Variants in DEFB119 observed in about 807,000 individuals in gnomAD.
DEFB119 encodes the protein beta-defensin 119.
Under a neutral mutation model 2.5 loss-of-function variants are expected in DEFB119, and 3 were observed. The ratio of observed to expected loss-of-function variants is 1.19; its 90% CI spans 0.54 to 3.07. The LOEUF (loss-of-function observed/expected upper bound fraction) is 3.07. Among genes scored for constraint, DEFB119 ranks in the 30% most tolerant of loss-of-function variants. DEFB119 has a pLI of 0.03. For synonymous variants in DEFB119, 29 were observed against 33.7 expected (o/e 0.86, Z 0.48); for missense variants, 113 against 101.1 (o/e 1.12, Z -0.50).
intron 1 of DEFB119, among the ~76,000 whole-genome samples, chr20:31,387,823 G>T (rs1428373663): frequency 1.3e-5 from 2 of 152,164 alleles, no homozygotes; most frequent in African/African-American, 4.8e-5. Flanking sequence ...GCAGGCAGAG[G>T]CTCCTCGTGG....
chr20:31,389,314 G>A (rs1747637058), intron 1 of DEFB119: 2 of 1,582,706 alleles, frequency 1.3e-6, no homozygotes, highest in Admixed American at 1.7e-5. Context: ...GGAACAGGAG[G>A]ACAGGGAAGA....
chr20:31,388,119 A>T, intron 1 of DEFB119: 2 of 985,364 alleles, frequency 2.0e-6, no homozygotes, highest in Non-Finnish European at 2.4e-6. Context: ...GTCTGGGAAG[A>T]CACCCAGATT....
Position 31,377,318 on chromosome 20 carries a change from C to T in DEFB119, c.183G>A (p.Met61Ile), listed in dbSNP as rs139822193. 5 of 1,614,000 alleles carry T rather than the reference C, an allele frequency of 3.1e-6. No homozygotes were observed. The African/African-American group carries it at 6.7e-5, about 22-fold the overall frequency. The change falls in exon 2 of 2, where the codon ATG (methionine) becomes ATA (isoleucine). Residue 61 changes from methionine to isoleucine, a missense_variant. Coordinates refer to ENST00000376321, the MANE Select transcript of DEFB119 (RefSeq NM_153289.4). Reference sequence around the variant, plus strand: ...CCTCTTTGCCAGAAATGCTTATCCTCATGTAGGACTGGAGGCAGCAGGACT... The same window carrying T: ...CCTCTTTGCCAGAAATGCTTATCCTTATGTAGGACTGGAGGCAGCAGGACT... ...NCQSCCLQSY[M>I]RISISGKEEN...
intron 1 of DEFB119, among the ~76,000 whole-genome samples, chr20:31,381,480 C>A (rs971326280): frequency 6.6e-6 from 1 of 152,126 alleles, no homozygotes; most frequent in Non-Finnish European, 1.5e-5. Context: ...CTAAAAGGAA[C>A]GAATTATTGA....
intron 1 of DEFB119, chr20:31,388,116 A>G: frequency 6.1e-6 from 6 of 985,378 alleles, no homozygotes; most frequent in Non-Finnish European, 7.2e-6. Flanking sequence ...AAAGTCTGGG[A>G]AGACACCCAG....
intron 1 of DEFB119, among the ~76,000 whole-genome samples, chr20:31,390,185 A>T (rs935981041): frequency 1.3e-5 from 2 of 151,758 alleles, no homozygotes; most frequent in African/African-American, 4.8e-5. Flanking sequence ...AACCTCTCCC[A>T]AGCTCCCACC....
intron 1 of DEFB119, among the ~76,000 whole-genome samples, chr20:31,386,690 G>A (rs568544096): frequency 6.6e-6 from 1 of 152,120 alleles, no homozygotes; most frequent in Admixed American, 6.5e-5. Context: ...GGAAGAGGCT[G>A]GTTAAACGGA....
At chr20:31,377,673 C>A (rs1986353675) in intron 1 of DEFB119, among the ~76,000 whole-genome samples, 1 of 151,928 alleles carries the variant, frequency 6.6e-6, no homozygotes. Context: ...TGTGTACACT[C>A]TGAAAGGTAA....
intron 1 of DEFB119, among the ~76,000 whole-genome samples, chr20:31,389,831 T>A (rs1399225367): frequency 2.0e-5 from 3 of 151,796 alleles, no homozygotes; most frequent in African/African-American, 7.3e-5. Flanking sequence ...TCTAATCTAA[T>A]CTAACCCTAA....
At chr20:31,383,396 T>C (rs1348860362) in intron 1 of DEFB119, among the ~76,000 whole-genome samples, 3 of 151,550 alleles carry the variant, frequency 2.0e-5, no homozygotes, top group African/African-American at 7.3e-5. Context: ...ATACAAAAAT[T>C]AGCCAGGCAT....
In DEFB119 at chr20:31,381,789, C is replaced by T. The variant is rs914210770; in HGVS notation, c.62-4350G>A. On this transcript the variant is annotated intron_variant, in intron 1 of 1. Coordinates refer to ENST00000376321, the MANE Select transcript of DEFB119 (RefSeq NM_153289.4). ...TCACACCACTGCACTCCAGCCTGGG[C>T]GACAGAGCCAGACACTGTCTCAAAA... Among the ~76,000 whole-genome samples the T allele has an allele frequency of 5.9e-5, 9 of 151,376 alleles. No homozygotes were observed. In the South Asian group the frequency reaches 1.0e-3, roughly 18 times the overall value.
chr20:31,378,396 A>C, intron 1 of DEFB119: 2 of 1,614,154 alleles, frequency 1.2e-6, no homozygotes, highest in Non-Finnish European at 1.7e-6. Context: ...CCAGAGCTGT[A>C]TCAGAGGAGA....
chr20:31,390,296 C>A (rs1218696718), intron 1 of DEFB119, 127 bp downstream of exon 1: 4 of 877,482 alleles, frequency 4.6e-6, no homozygotes, highest in Non-Finnish European at 7.5e-6. Context: ...TTGAGATGAT[C>A]CTGGGCAAAC....
chr20:31,384,765 A>T (rs1986629475), intron 1 of DEFB119, among the ~76,000 whole-genome samples: 1 of 152,214 alleles, frequency 6.6e-6, no homozygotes. Flanking sequence ...TTTAACACAA[A>T]TTTTTAAAAA....
intron 1 of DEFB119, chr20:31,388,354 G>A (rs1986789760): frequency 2.1e-6 from 2 of 964,550 alleles, no homozygotes; most frequent in South Asian, 4.8e-5. Context: ...CATCCTTACT[G>A]CAATCCTGAA....
intron 1 of DEFB119, among the ~76,000 whole-genome samples, chr20:31,379,617 C>T (rs1298493239): frequency 2.6e-5 from 4 of 151,682 alleles, no homozygotes; most frequent in Non-Finnish European, 5.9e-5. Context: ...TCTCAGTCTC[C>T]TGAGTAGCTG....
At chr20:31,388,562 C>T (rs4300919) in intron 1 of DEFB119, among the ~76,000 whole-genome samples, 76,826 of 151,912 alleles carry the variant, frequency 0.51, 19,976 homozygotes, top group East Asian at 0.75. Flanking sequence ...TTTTAGTACT[C>T]AGACACCTTC....
chr20:31,384,378 T>G (rs1050806610), intron 1 of DEFB119, among the ~76,000 whole-genome samples: 11 of 152,318 alleles, frequency 7.2e-5, no homozygotes, highest in African/African-American at 2.6e-4. Flanking sequence ...ACTAAATTCC[T>G]GTATCAAACT....
In DEFB119 at chr20:31,377,187, A is replaced by AG; in HGVS notation, c.*58dup. 2 of 1,492,506 alleles carry AG rather than the reference A, an allele frequency of 1.3e-6. No individual in the cohort carries two copies. Among genetic ancestry groups the AG allele is most frequent in the Non-Finnish European group, 1.8e-6 (2 of 1,110,754 alleles). The allele number at this position is 1,492,506 out of a possible 1,614,324, so 92.5% of individuals were successfully genotyped here. On this transcript the variant is annotated 3_prime_UTR_variant, in exon 2 of 2. Transcript: ENST00000376321. ...GGTAGCAGGCACATGAATTTTAATGAGGGGGGTTGACAGCAGGTCTCTGTG... is the reference window on the plus strand; with the variant it reads ...GGTAGCAGGCACATGAATTTTAATGAGGGGGGGTTGACAGCAGGTCTCTGTG...
Sources: allele counts gnomAD v4.1 joint callset (sites outside exome capture counted in the v4.1 genomes callset), GRCh38; gene constraint gnomAD v4.1.1; transcripts MANE v1.5; gene names NCBI Gene and HGNC (gene_info 2026-07-23, HGNC 2026-07-21).